The following PCDH7 variants were observed in gnomAD, a reference collection of about 807,000 sequenced individuals.
The protein encoded by PCDH7 is protocadherin-7.
Under a neutral mutation model 58.9 loss-of-function variants are expected in PCDH7, and 17 were observed. The ratio of observed to expected loss-of-function variants is 0.29; its 90% CI spans 0.20 to 0.43. The LOEUF (loss-of-function observed/expected upper bound fraction) is 0.43, where lower values mean the gene tolerates loss of function less well. PCDH7 is among the 20% of genes least tolerant of loss of function. The pLI, the probability that PCDH7 is intolerant of heterozygous loss-of-function variation, is 1.00. For missense variants in PCDH7, 1,274 were observed against 1,441.0 expected (o/e 0.88, Z 1.88); for synonymous variants, 664 against 616.4 (o/e 1.08, Z -1.14).
chr4:30,784,447 A>C (rs994806244), intron 1 of PCDH7, among the ~76,000 whole-genome samples: 3 of 152,156 alleles, frequency 2.0e-5, no homozygotes, highest in African/African-American at 7.2e-5. Context: ...GAAATGAGAG[A>C]GTTTCTGTTC....
At chr4:31,030,008 T>C (rs1314311313) in intron 3 of PCDH7, among the ~76,000 whole-genome samples, 1 of 152,164 alleles carries the variant, frequency 6.6e-6, no homozygotes, top group East Asian at 1.9e-4. Context: ...TTTCTAGTCA[T>C]GAATGAATTA....
chr4:30,839,033 A>G lies in PCDH7; in HGVS notation c.71-81120A>G, dbSNP rs1730882175. Among the ~76,000 whole-genome samples, 8 of 152,162 alleles carry G rather than the reference A, an allele frequency of 5.3e-5. No individual in the cohort carries two copies. In the South Asian group the frequency reaches 1.7e-3, roughly 32 times the overall value. On this transcript the variant is annotated intron_variant, in intron 1 of 3. Transcript: ENST00000509759. Reference sequence around the variant, plus strand: ...TAAAATCAAGTAACAATAGAGCACTAGTATGAAAGGGCATCCTGAATTTAT... The same window carrying G: ...TAAAATCAAGTAACAATAGAGCACTGGTATGAAAGGGCATCCTGAATTTAT...
At chr4:30,897,151 G>T (rs987439284) in intron 1 of PCDH7, among the ~76,000 whole-genome samples, 1 of 151,776 alleles carries the variant, frequency 6.6e-6, no homozygotes, top group South Asian at 2.1e-4. Flanking sequence ...TCATCCTCCC[G>T]CCTCGGCCTC....
intron 3 of PCDH7, among the ~76,000 whole-genome samples, chr4:31,079,311 TA>T (rs1420446954): frequency 6.9e-4 from 1 of 1,454 alleles, no homozygotes; most frequent in African/African-American, 3.4e-3. Flanking sequence ...TACTGGAAGA[TA>T]TATATATATA....
chr4:30,944,876 G>A (rs1468316398), intron 2 of PCDH7, among the ~76,000 whole-genome samples: 1 of 152,098 alleles, frequency 6.6e-6, no homozygotes, highest in Non-Finnish European at 1.5e-5. Flanking sequence ...GGACATAGTG[G>A]GTTATGCTAT....
intron 2 of PCDH7, among the ~76,000 whole-genome samples, chr4:30,939,550 G>A (rs539057414): frequency 6.6e-6 from 1 of 152,012 alleles, no homozygotes; most frequent in Admixed American, 6.6e-5. Flanking sequence ...TTATATCATT[G>A]AACAGTCTCA....
intron 3 of PCDH7, among the ~76,000 whole-genome samples, chr4:31,121,369 T>C (rs1443013933): frequency 1.3e-5 from 2 of 152,214 alleles, no homozygotes; most frequent in African/African-American, 4.8e-5. Flanking sequence ...TATAATTTGC[T>C]TCCTTAACTG....
intron 1 of PCDH7, among the ~76,000 whole-genome samples, chr4:30,881,341 A>G (rs1296031201): frequency 2.0e-5 from 3 of 152,040 alleles, no homozygotes; most frequent in African/African-American, 7.2e-5. Context: ...GCAAGACTCC[A>G]TCTCAAAACA....
At chr4:30,964,485 C>T (rs1181743876) in intron 3 of PCDH7, among the ~76,000 whole-genome samples, 2 of 152,088 alleles carry the variant, frequency 1.3e-5, no homozygotes, top group Non-Finnish European at 2.9e-5. Context: ...TCATGATCCG[C>T]CTGCCTCGGC....
chr4:30,799,247 G>A (rs1000672928), intron 1 of PCDH7, among the ~76,000 whole-genome samples: 3 of 152,142 alleles, frequency 2.0e-5, no homozygotes, highest in African/African-American at 7.2e-5. Flanking sequence ...AGAGCTGAAA[G>A]GGCCTATGGC....
intron 1 of PCDH7, among the ~76,000 whole-genome samples, chr4:30,739,558 G>A (rs1292433648): frequency 1.3e-5 from 2 of 151,986 alleles, no homozygotes; most frequent in Non-Finnish European, 2.9e-5. Context: ...AGATGGTAAT[G>A]TCTGGATTTT....
intron 3 of PCDH7, among the ~76,000 whole-genome samples, chr4:31,077,342 G>C (rs1238045088): frequency 6.7e-6 from 1 of 149,350 alleles, no homozygotes; most frequent in Non-Finnish European, 1.5e-5. Context: ...CCAGGAGGCA[G>C]AGGTTGCAGT....
At chr4:30,818,042 C>G (rs943797084) in intron 1 of PCDH7, among the ~76,000 whole-genome samples, 45 of 152,244 alleles carry the variant, frequency 3.0e-4, no homozygotes, top group East Asian at 7.7e-4. Context: ...TGCAACAAGG[C>G]CAGGTCTAGT....
intron 3 of PCDH7, among the ~76,000 whole-genome samples, chr4:31,041,523 C>T (rs1306626315): frequency 6.6e-6 from 1 of 152,168 alleles, no homozygotes; most frequent in Non-Finnish European, 1.5e-5. Context: ...GGAAGTCATG[C>T]AATTCTAAGC....
At chr4:30,941,304 A>G (rs1746011442) in intron 2 of PCDH7, among the ~76,000 whole-genome samples, 1 of 151,988 alleles carries the variant, frequency 6.6e-6, no homozygotes, top group African/African-American at 2.4e-5. Context: ...ATTATAAATA[A>G]CAGTGCAAAA....
chr4:30,975,791 A>T (rs2109479012), intron 3 of PCDH7, among the ~76,000 whole-genome samples: 1 of 152,314 alleles, frequency 6.6e-6, no homozygotes, highest in Admixed American at 6.5e-5. Context: ...GAATGTTTAA[A>T]GCTGGCCTGG....
At chr4:30,967,321 T>C (rs1749083112) in intron 3 of PCDH7, among the ~76,000 whole-genome samples, 1 of 152,146 alleles carries the variant, frequency 6.6e-6, no homozygotes, top group South Asian at 2.1e-4. Context: ...AAGAGCCTAA[T>C]AGCTAGCAAT....
intron 1 of PCDH7, among the ~76,000 whole-genome samples, chr4:30,768,069 A>G (rs1720968191): frequency 1.3e-5 from 2 of 152,222 alleles, no homozygotes; most frequent in Non-Finnish European, 2.9e-5. Flanking sequence ...TCAGAATCAG[A>G]AAAATTCAAC....
chr4:31,116,709 G>A (rs1207622805), intron 3 of PCDH7, among the ~76,000 whole-genome samples: 1 of 152,152 alleles, frequency 6.6e-6, no homozygotes, highest in African/African-American at 2.4e-5. Context: ...TAATACAACT[G>A]TAAAATATAC....
Sources: gnomAD v4.1 joint callset for allele counts (sites outside exome capture counted in the v4.1 genomes callset) on GRCh38, gnomAD v4.1.1 for gene constraint, MANE v1.5 for transcripts, NCBI Gene and HGNC (gene_info 2026-07-23, HGNC 2026-07-21) for gene names.